Variants in MACROD2 observed in about 807,000 individuals in gnomAD.
MACROD2 encodes ADP-ribose glycohydrolase MACROD2.
MACROD2 carries 36 observed loss-of-function variants against 70.4 expected under a neutral mutation model. That is an observed-to-expected ratio of 0.51 (90% confidence interval 0.39 to 0.68). The LOEUF (loss-of-function observed/expected upper bound fraction) is 0.68, where lower values mean the gene tolerates loss of function less well. Among genes scored for constraint, MACROD2 ranks in the 30% least tolerant of loss-of-function variants. The pLI is 0.00. For synonymous variants in MACROD2, 172 were observed against 178.8 expected (o/e 0.96, Z 0.30); for missense variants, 496 against 538.4 (o/e 0.92, Z 0.78).
intron 7 of MACROD2, among the ~76,000 whole-genome samples, chr20:15,443,867 A>G (rs1391383590): frequency 2.0e-5 from 3 of 152,174 alleles, no homozygotes; most frequent in African/African-American, 2.4e-5. Flanking sequence ...CCTGGTTTCT[A>G]TTTTTTTACT....
chr20:15,704,493 G>A (rs1257241637), intron 8 of MACROD2, among the ~76,000 whole-genome samples: 3 of 152,088 alleles, frequency 2.0e-5, no homozygotes, highest in African/African-American at 7.2e-5. Context: ...ATATTAATAT[G>A]GTGTATTTGA....
intron 5 of MACROD2, among the ~76,000 whole-genome samples, chr20:15,181,501 AT>A (rs2076500433): frequency 6.6e-6 from 1 of 152,206 alleles, no homozygotes; most frequent in Non-Finnish European, 1.5e-5. Context: ...TTGGGGTTAT[AT>A]GTCTATCCTT....
intron 4 of MACROD2, among the ~76,000 whole-genome samples, chr20:14,589,499 TA>T (rs2017376589): frequency 6.6e-6 from 1 of 152,210 alleles, no homozygotes; most frequent in South Asian, 2.1e-4. Context: ...TGCTTTTTGT[TA>T]TCCTTGTCTG....
chr20:15,843,346 C>G (rs2064195337), intron 8 of MACROD2, among the ~76,000 whole-genome samples: 1 of 152,150 alleles, frequency 6.6e-6, no homozygotes, highest in African/African-American at 2.4e-5. Context: ...TGTAAATGTG[C>G]ACTGTGAGCA....
At chr20:15,906,992 GGAAGGCACAAT>G (rs1347601847) in intron 10 of MACROD2, among the ~76,000 whole-genome samples, 1 of 152,158 alleles carries the variant, frequency 6.6e-6, no homozygotes, top group Admixed American at 6.5e-5. Context: ...ACCCCTTGTG[GGAAGGCACAAT>G]GAAACTAGGT....
chr20:15,113,951 C>G (rs1392351427), intron 5 of MACROD2, among the ~76,000 whole-genome samples: 1 of 152,086 alleles, frequency 6.6e-6, no homozygotes, highest in Non-Finnish European at 1.5e-5. Context: ...TAGTATAATT[C>G]CCAGAGAAGC....
At chr20:14,320,318 T>C (rs1221953764) in intron 3 of MACROD2, among the ~76,000 whole-genome samples, 1 of 152,180 alleles carries the variant, frequency 6.6e-6, no homozygotes, top group Non-Finnish European at 1.5e-5. Flanking sequence ...CCACTGGCAG[T>C]GCGCTGTTCA....
At chr20:15,202,101 A>G (rs926757727) in intron 5 of MACROD2, among the ~76,000 whole-genome samples, 2 of 152,208 alleles carry the variant, frequency 1.3e-5, no homozygotes, top group African/African-American at 4.8e-5. Context: ...GAGACATTTG[A>G]AGGACCAGAC....
intron 10 of MACROD2, among the ~76,000 whole-genome samples, chr20:15,924,602 A>T (rs2065461144): frequency 6.6e-6 from 1 of 152,102 alleles, no homozygotes; most frequent in African/African-American, 2.4e-5. Context: ...CCTTCTGTCA[A>T]CTCCTAAAGG....
intron 8 of MACROD2, among the ~76,000 whole-genome samples, chr20:15,858,533 G>GA (rs1465675226): frequency 1.3e-5 from 2 of 152,122 alleles, no homozygotes; most frequent in Admixed American, 1.3e-4. Context: ...AGAGACTCTG[G>GA]AAAAACAGTT....
intron 1 of MACROD2, among the ~76,000 whole-genome samples, chr20:13,996,145 T>G (rs1837195974): frequency 7.6e-6 from 1 of 131,668 alleles, no homozygotes; most frequent in Non-Finnish European, 1.5e-5. Flanking sequence ...GCGGCACAAG[T>G]TCCTCTGCAC....
chr20:14,774,822 A>C (rs1020004594), intron 5 of MACROD2, among the ~76,000 whole-genome samples: 6 of 152,108 alleles, frequency 3.9e-5, no homozygotes, highest in African/African-American at 1.4e-4. Flanking sequence ...ATACTTTTTG[A>C]ATTCATAGAA....
chr20:14,776,126 C>T (rs538778583), intron 5 of MACROD2, among the ~76,000 whole-genome samples: 49 of 152,138 alleles, frequency 3.2e-4, no homozygotes, highest in Non-Finnish European at 6.6e-4. Context: ...GCAGACTGAA[C>T]AAACCTGAAC....
chr20:14,811,226 G>T (rs1214021568), intron 5 of MACROD2, among the ~76,000 whole-genome samples: 2 of 152,000 alleles, frequency 1.3e-5, no homozygotes, highest in East Asian at 3.9e-4. Flanking sequence ...CATGGTACTG[G>T]TACCAAAACA....
chr20:14,577,144 G>A (rs1447023519), intron 4 of MACROD2, among the ~76,000 whole-genome samples: 1 of 152,126 alleles, frequency 6.6e-6, no homozygotes, highest in East Asian at 1.9e-4. Context: ...ACTATTTAAG[G>A]TGATGGTTTT....
At chr20:15,890,134 C>T (rs900581114) in intron 10 of MACROD2, among the ~76,000 whole-genome samples, 1 of 152,128 alleles carries the variant, frequency 6.6e-6, no homozygotes, top group African/African-American at 2.4e-5. Context: ...TGTAAGCATG[C>T]CCACTGACCC....
chr20:15,706,702 C>T (rs1345958969), intron 8 of MACROD2, among the ~76,000 whole-genome samples: 1 of 152,170 alleles, frequency 6.6e-6, no homozygotes, highest in African/African-American at 2.4e-5. Flanking sequence ...AAATAGCACA[C>T]TAATAGGGGA....
intron 6 of MACROD2, among the ~76,000 whole-genome samples, chr20:15,293,796 CA>C (rs2077561992): frequency 6.6e-6 from 1 of 152,062 alleles, no homozygotes; most frequent in South Asian, 2.1e-4. Context: ...CACAATGTTA[CA>C]AAAAATACAG....
intron 8 of MACROD2, among the ~76,000 whole-genome samples, chr20:15,606,873 A>G (rs754619693): frequency 2.0e-5 from 3 of 151,980 alleles, no homozygotes; most frequent in Non-Finnish European, 4.4e-5. Flanking sequence ...GTGGTGGCGC[A>G]TGCCTTTAAT....
Sources: gnomAD v4.1 joint callset for allele counts (sites outside exome capture counted in the v4.1 genomes callset) on GRCh38, gnomAD v4.1.1 for gene constraint, MANE v1.5 for transcripts, NCBI Gene and HGNC (gene_info 2026-07-23, HGNC 2026-07-21) for gene names.